Variants in CNOT6L observed in about 807,000 individuals in gnomAD.
CNOT6L encodes the protein CCR4-NOT transcription complex subunit 6-like.
A neutral mutation model predicts 64.0 loss-of-function variants in CNOT6L; 7 were observed. The observed-to-expected ratio is 0.11, with a 90% confidence interval of 0.06 to 0.21. The LOEUF (loss-of-function observed/expected upper bound fraction) is 0.21. Among genes scored for constraint, CNOT6L ranks in the 10% least tolerant of loss-of-function variants. The probability of loss-of-function intolerance (pLI) is 1.00; values close to 1 mark genes in which losing one functional copy is unlikely to be tolerated. For missense variants in CNOT6L, 245 were observed against 669.0 expected (o/e 0.37, Z 6.99); for synonymous variants, 193 against 243.4 (o/e 0.79, Z 1.93).
At chr4:77,787,916 T>A (rs1019097261) in intron 1 of CNOT6L, among the ~76,000 whole-genome samples, 2 of 152,232 alleles carry the variant, frequency 1.3e-5, no homozygotes, top group African/African-American at 4.8e-5. Context: ...GGAATTCTAA[T>A]CCAATTCCAC....
chr4:77,753,503 T>C (rs529727321), intron 5 of CNOT6L, among the ~76,000 whole-genome samples: 15 of 152,080 alleles, frequency 9.9e-5, no homozygotes, highest in Admixed American at 8.5e-4. Flanking sequence ...AAACCCTGTT[T>C]CTACTAAAAA....
At chr4:77,779,959 G>A (rs1728679094) in intron 1 of CNOT6L, among the ~76,000 whole-genome samples, 1 of 152,080 alleles carries the variant, frequency 6.6e-6, no homozygotes, top group Non-Finnish European at 1.5e-5. Context: ...GTGAGACCCT[G>A]TCTCAATCAA....
intron 1 of CNOT6L, among the ~76,000 whole-genome samples, chr4:77,811,134 C>T (rs1176384452): frequency 1.3e-5 from 2 of 152,180 alleles, no homozygotes; most frequent in African/African-American, 4.8e-5. Flanking sequence ...ATTCTCCACA[C>T]AATTTTTAGT....
chr4:77,751,256 A>G (rs190399931), intron 5 of CNOT6L, among the ~76,000 whole-genome samples: 81 of 152,340 alleles, frequency 5.3e-4, no homozygotes, highest in African/African-American at 1.8e-3. Flanking sequence ...TTAAATTTTA[A>G]AAGTCATTGG....
In CNOT6L at chr4:77,749,050, C is replaced by T. The variant is rs72864941; in HGVS notation, c.491-666G>A. Among the ~76,000 whole-genome samples the T allele has an allele frequency of 1.8e-3, 272 of 152,282 alleles. 2 individuals carry two copies. The highest frequency in any genetic ancestry group is 5.5e-3 in the African/African-American group (227 of 41,560). Reference sequence around the variant, plus strand: ...CAAAATCTTTGAAATTACAGTACAACTTGATTCAAGTTTGCAGATTTGCCC... The same window carrying T: ...CAAAATCTTTGAAATTACAGTACAATTTGATTCAAGTTTGCAGATTTGCCC... On this transcript the variant is annotated intron_variant, in intron 5 of 11. Transcript: ENST00000504123.
Position 77,805,297 on chromosome 4 carries a change from T to C in CNOT6L, c.5+14007A>G, listed in dbSNP as rs530802690. 3.9e-5 allele frequency among the ~76,000 whole-genome samples: 6 copies of C among 152,204 alleles called. No homozygotes were observed. The South Asian group carries it at 6.2e-4, about 16-fold the overall frequency. On this transcript the variant is annotated intron_variant, in intron 1 of 11. Coordinates refer to ENST00000504123, the MANE Select transcript of CNOT6L (RefSeq NM_144571.3). The stretch of plus-strand genomic sequence containing the variant: ...CAAAACAGACATGATGCAATAAAAA[T>C]ACTACCATCTGCAAAGAAAAGTACA...
In CNOT6L at chr4:77,751,570, A is replaced by G. The variant is rs572989271; in HGVS notation, c.491-3186T>C. Among the ~76,000 whole-genome samples, 23 of 152,308 alleles carry G rather than the reference A, an allele frequency of 1.5e-4. No homozygotes were observed. The South Asian group carries it at 4.8e-3, about 32-fold the overall frequency. ...AGGTGAGTAAACTTCAAATATCAAG[A>G]GCCCAAAGAAATCCATGCTAAGACA... On this transcript the variant is annotated intron_variant, in intron 5 of 11. Transcript: ENST00000504123.
chr4:77,761,781 G>T (rs1324297491), intron 4 of CNOT6L, among the ~76,000 whole-genome samples: 1 of 151,976 alleles, frequency 6.6e-6, no homozygotes, highest in Non-Finnish European at 1.5e-5. Context: ...ATGTGATAAA[G>T]CAAGAAAAAG....
intron 1 of CNOT6L, among the ~76,000 whole-genome samples, chr4:77,811,926 T>C (rs1220797081): frequency 3.3e-5 from 5 of 150,214 alleles, no homozygotes; most frequent in Admixed American, 2.6e-4. Flanking sequence ...TGGCAGAAGA[T>C]GGAATGTTTT....
chr4:77,819,085 TTCGCCCGCCTCTGA>T, intron 1 of CNOT6L: 1 of 303,130 alleles, frequency 3.3e-6, no homozygotes, highest in South Asian at 2.5e-5. Context: ...CCCCGGAACC[TTCGCCCGCCTCTGA>T]AGAGACGCGG....
At chr4:77,783,098 TAA>T (rs935286151) in intron 1 of CNOT6L, among the ~76,000 whole-genome samples, 12 of 98,600 alleles carry the variant, frequency 1.2e-4, no homozygotes, top group Non-Finnish European at 1.9e-5. Context: ...AACATTTTTT[TAA>T]AAAAGACTTA....
intron 4 of CNOT6L, among the ~76,000 whole-genome samples, chr4:77,772,876 T>C (rs1005724869): frequency 9.2e-5 from 14 of 152,142 alleles, no homozygotes; most frequent in Non-Finnish European, 1.8e-4. Flanking sequence ...TGAGCCAAGA[T>C]TGCGCCACTG....
chr4:77,730,907 A>G (rs1481402796), intron 9 of CNOT6L, among the ~76,000 whole-genome samples: 1 of 152,118 alleles, frequency 6.6e-6, no homozygotes, highest in Non-Finnish European at 1.5e-5. Flanking sequence ...GCTATAAATA[A>G]TCTAAAATGC....
intron 10 of CNOT6L, 43 bp downstream of exon 10, chr4:77,728,811 A>G: frequency 6.6e-7 from 1 of 1,521,934 alleles, no homozygotes; most frequent in Non-Finnish European, 9.1e-7. Flanking sequence ...AACCAAGAGT[A>G]AAAGTGAAAT....
intron 1 of CNOT6L, among the ~76,000 whole-genome samples, chr4:77,786,138 G>A (rs1729415379): frequency 6.6e-6 from 1 of 151,932 alleles, no homozygotes; most frequent in Admixed American, 6.6e-5. Flanking sequence ...AAAATTAGCT[G>A]GGCATGGTGG....
At chr4:77,747,653 T>C (rs955394736) in intron 6 of CNOT6L, among the ~76,000 whole-genome samples, 4 of 152,134 alleles carry the variant, frequency 2.6e-5, no homozygotes, top group Non-Finnish European at 5.9e-5. Flanking sequence ...AAGCCTAAAA[T>C]GTCAAATATG....
chr4:77,785,132 T>C (rs1351691677), intron 1 of CNOT6L, among the ~76,000 whole-genome samples: 3 of 152,164 alleles, frequency 2.0e-5, no homozygotes, highest in African/African-American at 7.2e-5. Flanking sequence ...TAGACCCACA[T>C]ACATGGTCAA....
rs1040470143 is a variant in CNOT6L, at chr4:77,714,111, A to G, written c.*6320T>C. 1 of 152,586 alleles carries G rather than the reference A, an allele frequency of 6.6e-6. No homozygotes were observed. Among genetic ancestry groups the G allele is most frequent in the African/African-American group, 2.4e-5 (1 of 41,428 alleles). 9.5% of individuals were successfully genotyped at this position (152,586 alleles called of 1,614,324 possible). A position where few individuals can be genotyped will look rare whatever the true frequency, so the allele number is the denominator to read the frequency against. ...CAAGTATTCAGGGAAAAAGTTACTA[A>G]AACACCTTGCTTGGTTTTACAGTCA... On this transcript the variant is annotated 3_prime_UTR_variant, in exon 12 of 12. Coordinates refer to ENST00000504123, the MANE Select transcript of CNOT6L (RefSeq NM_144571.3).
upstream of CNOT6L, chr4:77,819,510 G>A (rs1339322996): frequency 3.7e-6 from 4 of 1,082,220 alleles, no homozygotes; most frequent in Non-Finnish European, 5.0e-6. Context: ...GCGGCACACA[G>A]GGCCCGTAAC....
Sources: allele counts gnomAD v4.1 joint callset (sites outside exome capture counted in the v4.1 genomes callset), GRCh38; gene constraint gnomAD v4.1.1; transcripts MANE v1.5; gene names NCBI Gene and HGNC (gene_info 2026-07-23, HGNC 2026-07-21).